The following ADAMTS7 variants were observed in gnomAD, a reference collection of about 807,000 sequenced individuals.
ADAMTS7 encodes ADAM metallopeptidase with thrombospondin type 1 motif 7.
ADAMTS7 carries 89 observed loss-of-function variants against 172.6 expected under a neutral mutation model. The ratio of observed to expected loss-of-function variants is 0.52; its 90% CI spans 0.43 to 0.61. The LOEUF (loss-of-function observed/expected upper bound fraction) is 0.61. ADAMTS7 is among the 20% of genes least tolerant of loss of function. ADAMTS7 has a pLI of 0.00. For missense variants in ADAMTS7, 1,973 were observed against 2,355.6 expected, an observed-to-expected ratio of 0.84 and a Z score of 3.36; for synonymous variants, 885 against 978.4, an observed-to-expected ratio of 0.90 and a Z score of 1.78.
Position 78,774,699 on chromosome 15 carries a change from G to A in ADAMTS7, c.1801C>T (p.His601Tyr). The A allele has an allele frequency of 1.2e-6, 2 of 1,611,688 alleles. No individual in the cohort carries two copies. Among genetic ancestry groups the A allele is most frequent in the Non-Finnish European group, 1.7e-6 (2 of 1,179,814 alleles). ...GCGTCAAAGTGGCTGCACTGGACGT[G>A]GCGGAAGGAGGGGCGGCCAGCAGGG... ...ACPAGRPSFR[H>Y]VQCSHFDAML... Residue 601 changes from histidine (H) to tyrosine (Y), a missense_variant, in exon 12 of 24, where the codon CAC (histidine) becomes TAC (tyrosine). Physicochemically the swap from His to Tyr is moderately conservative, Grantham distance 83 (BLOSUM62 2). Coordinates refer to ENST00000388820, the MANE Select transcript of ADAMTS7 (RefSeq NM_014272.5).
intron 12 of ADAMTS7, 37 bp from the exon 13 acceptor site, chr15:78,774,337 G>C: frequency 6.5e-7 from 1 of 1,527,312 alleles, no homozygotes; most frequent in East Asian, 2.3e-5. Context: ...AGCAACAGCT[G>C]GGGCGGGAGT....
In ADAMTS7 at chr15:78,774,311, A is replaced by G. The variant is rs57708073; in HGVS notation, c.1877-11T>C. Reference sequence around the variant, plus strand: ...GCTCGCAGGGGTTCACTGAGGGCCCAAGTAGAAGAGTCATCAGCAACAGCT... The same window carrying G: ...GCTCGCAGGGGTTCACTGAGGGCCCGAGTAGAAGAGTCATCAGCAACAGCT... On this transcript the variant is annotated splice_polypyrimidine_tract_variant and intron_variant, in intron 12 of 23. Coordinates refer to ENST00000388820, the MANE Select transcript of ADAMTS7 (RefSeq NM_014272.5). 439,981 of 1,558,598 alleles carry G rather than the reference A, an allele frequency of 0.28. 64,304 individuals carry two copies. Among genetic ancestry groups the G allele is most frequent in the South Asian group, 0.42 (35,583 of 85,296 alleles).
intron 2 of ADAMTS7, 111 bp from the exon 3 acceptor site, chr15:78,798,224 G>T: frequency 9.5e-7 from 1 of 1,052,762 alleles, no homozygotes; most frequent in Non-Finnish European, 1.3e-6. Flanking sequence ...CACACCACCT[G>T]TGACTGCCCG....
chr15:78,796,867 T>G, intron 3 of ADAMTS7, 81 bp from the exon 4 acceptor site: 2 of 1,306,810 alleles, frequency 1.5e-6, no homozygotes, highest in South Asian at 1.4e-5. Context: ...CTCAGTGAGC[T>G]CTCTCTGGGG....
chr15:78,788,154 T>TA (rs1467214147), intron 8 of ADAMTS7, 77 bp downstream of exon 8: 3 of 1,570,688 alleles, frequency 1.9e-6, no homozygotes, highest in Non-Finnish European at 2.6e-6. Flanking sequence ...GGCCCTGCAG[T>TA]ATGACTGTCT....
At chr15:78,805,873 G>C (rs1368192385) in intron 1 of ADAMTS7, among the ~76,000 whole-genome samples, 1 of 151,990 alleles carries the variant, frequency 6.6e-6, no homozygotes, top group Non-Finnish European at 1.5e-5. Context: ...TTGAGTTCAG[G>C]AGTTCGAGAC....
At chr15:78,795,817 G>A (rs1187393148) in intron 4 of ADAMTS7, among the ~76,000 whole-genome samples, 2 of 152,216 alleles carry the variant, frequency 1.3e-5, no homozygotes, top group Non-Finnish European at 2.9e-5. Context: ...GGCACCCACA[G>A]GGCAGGAGCA....
rs1167443843 is a variant in ADAMTS7 at position 78,771,709 on chromosome 15, C to T, written c.2252G>A (p.Gly751Asp). The T allele has an allele frequency of 6.8e-6, 11 of 1,608,192 alleles. No homozygotes were observed. The highest frequency in any genetic ancestry group is 9.3e-6 in the Non-Finnish European group (11 of 1,179,984). ...SEDPEKYFLN[G>D]GWTIQWNGDY... ...CCCGTTCCACTGGATGGTCCAGCCA[C>T]CATTGAGGAAGTACTTCTCCGGGTC... Residue 751 changes from glycine to aspartate, a missense_variant, in exon 15 of 24, where the codon GGT (glycine) becomes GAT (aspartate). By Grantham distance (94) the Gly-to-Asp change is moderately conservative. Around this residue, in one of 8 missense-constraint regions of ADAMTS7, gnomAD observed 771 missense variants for 952.6 expected, o/e 0.81. Transcript: ENST00000388820. The surrounding 1 kb of genome is among the most constrained non-coding windows in gnomAD (Gnocchi z 4.9).
chr15:78,795,889 C>A (rs59819224), intron 4 of ADAMTS7, among the ~76,000 whole-genome samples: 343 of 152,278 alleles, frequency 2.3e-3, no homozygotes, highest in African/African-American at 7.8e-3. Flanking sequence ...CCACAGTGCC[C>A]CCGGTGGGAC....
chr15:78,789,582 G>C, intron 7 of ADAMTS7, 107 bp downstream of exon 7: 1 of 1,443,094 alleles, frequency 6.9e-7, no homozygotes, highest in Non-Finnish European at 9.4e-7. Flanking sequence ...TTTCCAGAGA[G>C]CTTCCTTTCC....
intron 1 of ADAMTS7, among the ~76,000 whole-genome samples, chr15:78,804,590 C>T (rs2055765635): frequency 6.6e-6 from 1 of 152,250 alleles, no homozygotes; most frequent in Non-Finnish European, 1.5e-5. Flanking sequence ...GCCCTCCAGT[C>T]TGTCCTCTGC....
In ADAMTS7 at chr15:78,796,759, T is replaced by G. The variant is rs2055650796; in HGVS notation, c.650A>C (p.Glu217Ala). 1 of 1,611,522 alleles carries G rather than the reference T, an allele frequency of 6.2e-7. No individual in the cohort carries two copies. Among genetic ancestry groups the G allele is most frequent in the Non-Finnish European group, 8.5e-7 (1 of 1,179,710 alleles). The part of the protein sequence containing the change: ...QVYPELESRR[E>A]RWEQRQQWRR... ...CCACTGCTGCCGCTGCTCCCAACGC[T>G]CCCGTCGAGACTCCAGCTCTGGGTA... The change falls in exon 4 of 24, where the codon GAG becomes GCG. Residue 217 changes from glutamate to alanine, a missense_variant. This residue lies in a region of ADAMTS7 where 526 missense variants were observed against 662.9 expected (regional missense o/e 0.79). Transcript: ENST00000388820.
At chr15:78,767,939 A>G in intron 17 of ADAMTS7, among the ~76,000 whole-genome samples, 194 bp downstream of exon 17, 1 of 148,938 alleles carries the variant, frequency 6.7e-6, no homozygotes, top group Non-Finnish European at 1.5e-5. Flanking sequence ...AGCCTTGGGA[A>G]GAGAATAAAA....
chr15:78,762,347 A>G (rs1395091176), intron 23 of ADAMTS7, 56 bp downstream of exon 23: 1 of 1,348,568 alleles, frequency 7.4e-7, no homozygotes, highest in Non-Finnish European at 9.6e-7. Flanking sequence ...CCATTTCCCC[A>G]TCACCCTCCC....
At chr15:78,768,061 T>A in intron 17 of ADAMTS7, 72 bp downstream of exon 17, 1 of 1,040,950 alleles carries the variant, frequency 9.6e-7, no homozygotes, top group Non-Finnish European at 1.3e-6. Flanking sequence ...GGTGGGGAGT[T>A]GGCGGGGGAT....
chr15:78,805,263 T>A (rs2141527955), intron 1 of ADAMTS7, among the ~76,000 whole-genome samples: 2 of 152,378 alleles, frequency 1.3e-5, no homozygotes, highest in Middle Eastern at 3.4e-3. Flanking sequence ...TTTGCTTGTG[T>A]TGATCAGTTA....
At chr15:78,775,011 G>A (rs1596183600) in intron 11 of ADAMTS7, among the ~76,000 whole-genome samples, 1 of 152,322 alleles carries the variant, frequency 6.6e-6, no homozygotes, top group African/African-American at 2.4e-5. Context: ...CAGGAAGCCT[G>A]AGCTCTGCCC....
chr15:78,804,056 C>A (rs1488607201), intron 1 of ADAMTS7, among the ~76,000 whole-genome samples: 1 of 152,144 alleles, frequency 6.6e-6, no homozygotes, highest in African/African-American at 2.4e-5. Flanking sequence ...CTAGGTGAGA[C>A]AGCAAAGGGA....
chr15:78,789,983 T>C (rs1165113420), intron 6 of ADAMTS7, 145 bp from the exon 7 acceptor site: 1 of 1,204,610 alleles, frequency 8.3e-7, no homozygotes, highest in Non-Finnish European at 1.1e-6. Context: ...GCCAGCACGG[T>C]GGCCGCTTGG....
Sources: allele counts gnomAD v4.1 joint callset (sites outside exome capture counted in the v4.1 genomes callset), GRCh38; gene constraint gnomAD v4.1.1; regional missense constraint gnomAD v4.1.1; non-coding constraint Gnocchi (gnomAD v3.1); transcripts MANE v1.5; gene names NCBI Gene and HGNC (gene_info 2026-07-23, HGNC 2026-07-21).